RAB43: variants seen among roughly 807,000 people sequenced by gnomAD.
RAB43 encodes RAB43, member RAS oncogene family.
In RAB43, 6 loss-of-function variants were observed where a neutral mutation model predicts 18.8. The ratio of observed to expected loss-of-function variants is 0.32; its 90% CI spans 0.17 to 0.63. The LOEUF (loss-of-function observed/expected upper bound fraction) is 0.63, where lower values mean the gene tolerates loss of function less well. RAB43 is among the 30% of genes least tolerant of loss of function. The pLI is 0.79. For synonymous variants in RAB43, 103 were observed against 124.1 expected, an observed-to-expected ratio of 0.83 and a Z score of 1.13; for missense variants, 195 against 289.1, an observed-to-expected ratio of 0.67 and a Z score of 2.36.
At position 129,091,202 on chromosome 3, in the gene RAB43, G is replaced by A. The variant is rs775033643; in HGVS notation, c.533C>T (p.Thr178Met). ...GCCCCCGTGCCGCATGATGAGCTCCGTGGCCACCCTCAGGAAGGCCTCCTC... is the reference window on the plus strand; with the variant it reads ...GCCCCCGTGCCGCATGATGAGCTCCATGGCCACCCTCAGGAAGGCCTCCTC... ...NVEEAFLRVA[T>M]ELIMRHGGPL... The change falls in exon 3 of 3, where the codon ACG becomes ATG. Residue 178 changes from threonine (T) to methionine (M), a missense_variant. Thr to Met is a moderately conservative substitution (Grantham distance 81, BLOSUM62 -1). Coordinates refer to ENST00000315150, the MANE Select transcript of RAB43 (RefSeq NM_198490.3). The A allele has an allele frequency of 3.6e-5, 57 of 1,585,542 alleles. No individual in the cohort carries two copies. Among genetic ancestry groups the A allele is most frequent in the Non-Finnish European group, 4.6e-5 (53 of 1,162,630 alleles).
chr3:129,108,386 T>C (rs1426183903), intron 1 of RAB43, among the ~76,000 whole-genome samples: 2 of 152,250 alleles, frequency 1.3e-5, no homozygotes, highest in Non-Finnish European at 2.9e-5. Flanking sequence ...AGTCCAACTC[T>C]TGGTTCAGAA....
At chr3:129,104,850 T>G (rs1435795178) in intron 1 of RAB43, among the ~76,000 whole-genome samples, 1 of 152,224 alleles carries the variant, frequency 6.6e-6, no homozygotes, top group Non-Finnish European at 1.5e-5. Flanking sequence ...TCTTAACCTT[T>G]TGGTGCACTC....
intron 1 of RAB43, among the ~76,000 whole-genome samples, chr3:129,114,945 C>G (rs1440662852): frequency 2.6e-5 from 4 of 152,078 alleles, no homozygotes; most frequent in Non-Finnish European, 4.4e-5. Context: ...AGCTGGGCAA[C>G]TAGGCTGAGA....
chr3:129,117,157 T>A (rs1935595085), intron 1 of RAB43, among the ~76,000 whole-genome samples: 1 of 152,238 alleles, frequency 6.6e-6, no homozygotes, highest in South Asian at 2.1e-4. Flanking sequence ...ATATACCCTT[T>A]GAAGTTTTTA....
chr3:129,114,364 G>A (rs10934871), intron 1 of RAB43, among the ~76,000 whole-genome samples: 122,043 of 152,062 alleles, frequency 0.8, 53,260 homozygotes, highest in Non-Finnish European at 0.97. Context: ...AGACAGCAAT[G>A]AGGAGAAAAG....
intron 2 of RAB43, among the ~76,000 whole-genome samples, chr3:129,092,852 A>G (rs1218274463): frequency 6.6e-6 from 1 of 151,524 alleles, no homozygotes; most frequent in Non-Finnish European, 1.5e-5. Context: ...GCTACTCGGG[A>G]GGCTGAGGCA....
intron 1 of RAB43, among the ~76,000 whole-genome samples, chr3:129,108,903 G>A (rs1165934512): frequency 6.6e-6 from 1 of 152,152 alleles, no homozygotes; most frequent in African/African-American, 2.4e-5. Flanking sequence ...GCTGCAGGAT[G>A]AAGCCCACAA....
intron 1 of RAB43, among the ~76,000 whole-genome samples, chr3:129,103,905 C>T (rs1390791508): frequency 6.6e-6 from 1 of 152,182 alleles, no homozygotes; most frequent in Non-Finnish European, 1.5e-5. Context: ...CCTGTCCCAA[C>T]CCCAATTTAT....
Position 129,107,929 on chromosome 3 carries a change from C to T in RAB43, c.205-12760G>A, listed in dbSNP as rs1455662358. Among the ~76,000 whole-genome samples the T allele has an allele frequency of 5.3e-5, 8 of 152,242 alleles. No homozygotes were observed. Among genetic ancestry groups the T allele is most frequent in the African/African-American group, 1.9e-4 (8 of 41,468 alleles). On this transcript the variant is annotated intron_variant, in intron 1 of 2. Transcript: ENST00000315150. The surrounding 1 kb of genome is among the most constrained non-coding windows in gnomAD (Gnocchi z 4.2). ...ACTCTCTAGAGCAAACCCTCCTCCC[C>T]GGGCTCCCAGGCACAGCTGGCTGTT...
chr3:129,091,290 G>C lies in RAB43; in HGVS notation c.445C>G (p.Leu149Val). ...CACAGGATGTCATAGTGCTCAGCCA[G>C]GCTCTGTGCCTCAGCCAAGGAGACC... is the stretch of plus-strand genomic sequence containing the variant. Reference protein sequence around the residue: ...REVSLAEAQSLAEHYDILCAI... With the variant: ...REVSLAEAQSVAEHYDILCAI... Residue 149 changes from leucine to valine, a missense_variant, in exon 3 of 3, where the codon CTG (leucine) becomes GTG (valine). Physicochemically the swap from Leu to Val is conservative, Grantham distance 32. Transcript: ENST00000315150. The C allele has an allele frequency of 6.3e-7, 1 of 1,591,576 alleles. No homozygotes were observed. Among genetic ancestry groups the C allele is most frequent in the South Asian group, 1.1e-5 (1 of 88,254 alleles).
intron 1 of RAB43, among the ~76,000 whole-genome samples, chr3:129,104,591 G>T (rs1180810854): frequency 2.0e-5 from 3 of 152,232 alleles, no homozygotes; most frequent in Non-Finnish European, 2.9e-5. Flanking sequence ...TTCATATGGG[G>T]TGGGGATTTC....
chr3:129,104,928 A>G (rs1347975876), intron 1 of RAB43, among the ~76,000 whole-genome samples: 6 of 152,196 alleles, frequency 3.9e-5, no homozygotes, highest in Non-Finnish European at 8.8e-5. Flanking sequence ...CCTGTGGTCC[A>G]ACCCTGAGCA....
At chr3:129,103,163 C>T (rs1363762379) in intron 1 of RAB43, among the ~76,000 whole-genome samples, 2 of 152,224 alleles carry the variant, frequency 1.3e-5, no homozygotes, top group Non-Finnish European at 2.9e-5. Flanking sequence ...TGTCTCTCTG[C>T]CTTGGGAGAG....
intron 1 of RAB43, among the ~76,000 whole-genome samples, chr3:129,118,562 T>C (rs377537557): frequency 6.6e-6 from 1 of 152,156 alleles, no homozygotes; most frequent in Non-Finnish European, 1.5e-5. Flanking sequence ...GATCCATCTC[T>C]AAGCTTCCTG....
intron 1 of RAB43, among the ~76,000 whole-genome samples, chr3:129,115,472 C>A (rs1389079772): frequency 6.6e-6 from 1 of 151,412 alleles, no homozygotes; most frequent in African/African-American, 2.4e-5. Flanking sequence ...CCATTGCACT[C>A]CAGCCTGGGC....
intron 1 of RAB43, among the ~76,000 whole-genome samples, chr3:129,118,580 A>G (rs1935699696): frequency 6.6e-6 from 1 of 152,190 alleles, no homozygotes; most frequent in South Asian, 2.1e-4. Context: ...CTGAAGCTCT[A>G]ATAAAACCCA....
intron 1 of RAB43, among the ~76,000 whole-genome samples, chr3:129,108,049 C>T (rs994997471): frequency 6.6e-6 from 1 of 152,256 alleles, no homozygotes; most frequent in Non-Finnish European, 1.5e-5. Context: ...TCTCCAGCTG[C>T]ATGCAGCTTA....
intron 1 of RAB43, among the ~76,000 whole-genome samples, chr3:129,113,888 G>C (rs530139458): frequency 6.6e-6 from 1 of 152,248 alleles, no homozygotes; most frequent in South Asian, 2.1e-4. Flanking sequence ...TTAGCTAGGC[G>C]TGGTGGTGTG....
intron 1 of RAB43, among the ~76,000 whole-genome samples, chr3:129,103,485 G>A (rs1177316239): frequency 1.3e-5 from 2 of 152,032 alleles, no homozygotes; most frequent in Non-Finnish European, 2.9e-5. Flanking sequence ...CCTCTGCACC[G>A]AGGCCCTTGT....
Sources: allele counts gnomAD v4.1 joint callset (sites outside exome capture counted in the v4.1 genomes callset), GRCh38; gene constraint gnomAD v4.1.1; non-coding constraint Gnocchi (gnomAD v3.1); transcripts MANE v1.5; gene names NCBI Gene and HGNC (gene_info 2026-07-23, HGNC 2026-07-21).